The following JMJD1C variants were observed in gnomAD, a reference collection of about 807,000 sequenced individuals.
JMJD1C encodes jumonji domain-containing protein 1C.
A neutral mutation model predicts 245.3 loss-of-function variants in JMJD1C; 31 were observed. The observed-to-expected ratio is 0.13, with a 90% confidence interval of 0.09 to 0.17. JMJD1C has a LOEUF of 0.17. Ranked by LOEUF, JMJD1C falls within the 10% of genes least tolerant of loss-of-function variation. The pLI is 1.00. For synonymous variants in JMJD1C, 1,057 were observed against 1,017.4 expected, an observed-to-expected ratio of 1.04 and a Z score of -0.74; for missense variants, 2,691 against 3,000.2, an observed-to-expected ratio of 0.90 and a Z score of 2.41.
At chr10:63,503,779 GT>G (rs1406719572) in intron 1 of JMJD1C, among the ~76,000 whole-genome samples, 1 of 152,180 alleles carries the variant, frequency 6.6e-6, no homozygotes, top group African/African-American at 2.4e-5. Flanking sequence ...CTGGATACTT[GT>G]TGATTAATTT....
intron 1 of JMJD1C, among the ~76,000 whole-genome samples, chr10:63,517,330 A>G (rs1030852667): frequency 1.3e-5 from 2 of 152,216 alleles, no homozygotes; most frequent in African/African-American, 4.8e-5. Context: ...AGGAAAACTA[A>G]TATTTAAAAG....
intron 2 of JMJD1C, among the ~76,000 whole-genome samples, chr10:63,267,807 A>G (rs1375714411): frequency 6.6e-6 from 1 of 152,188 alleles, no homozygotes; most frequent in East Asian, 1.9e-4. Context: ...TACGGCCAAA[A>G]TAAATATAGT....
chr10:63,363,424 A>G (rs1022369525), intron 2 of JMJD1C, among the ~76,000 whole-genome samples: 1 of 151,564 alleles, frequency 6.6e-6, no homozygotes, highest in Non-Finnish European at 1.5e-5. Context: ...ATGCCTGGCT[A>G]ATTTTTTGTT....
intron 1 of JMJD1C, among the ~76,000 whole-genome samples, chr10:63,414,215 T>G (rs995700223): frequency 6.6e-6 from 1 of 152,084 alleles, no homozygotes; most frequent in Non-Finnish European, 1.5e-5. Context: ...CTCGATCTCC[T>G]GACCTCGTGA....
chr10:63,196,862 T>C (rs535279283), intron 13 of JMJD1C, among the ~76,000 whole-genome samples: 1 of 152,250 alleles, frequency 6.6e-6, no homozygotes, highest in South Asian at 2.1e-4. Context: ...AATGGGGCAA[T>C]CACAGTTCAC....
intron 2 of JMJD1C, among the ~76,000 whole-genome samples, chr10:63,265,968 G>C (rs1365572465): frequency 6.6e-6 from 1 of 152,020 alleles, no homozygotes; most frequent in Admixed American, 6.6e-5. Context: ...GTTTGGTTTG[G>C]AGTGGCTTTT....
At chr10:63,504,841 C>A (rs1324375433) in intron 1 of JMJD1C, among the ~76,000 whole-genome samples, 1 of 152,120 alleles carries the variant, frequency 6.6e-6, no homozygotes, top group Non-Finnish European at 1.5e-5. Flanking sequence ...CAAAACAAGA[C>A]CCTGTCTCTA....
intron 2 of JMJD1C, among the ~76,000 whole-genome samples, chr10:63,379,465 A>G (rs938286365): frequency 1.3e-5 from 2 of 152,186 alleles, no homozygotes; most frequent in African/African-American, 4.8e-5. Flanking sequence ...AACTCTTCAA[A>G]GTACCAGAGA....
intron 3 of JMJD1C, among the ~76,000 whole-genome samples, chr10:63,249,775 G>A (rs956658720): frequency 3.3e-5 from 5 of 151,736 alleles, no homozygotes; most frequent in East Asian, 1.9e-4. Context: ...CAGGAGAATC[G>A]CTTTAATCCG....
chr10:63,208,469 T>A lies in JMJD1C; in HGVS notation c.3200A>T (p.Asp1067Val), dbSNP rs749556972. 1 of 1,614,036 alleles carries A rather than the reference T, an allele frequency of 6.2e-7. No individual in the cohort carries two copies. Among genetic ancestry groups the A allele is most frequent in the Non-Finnish European group, 8.5e-7 (1 of 1,179,952 alleles). Residue 1067 changes from aspartate to valine, a missense_variant, in exon 10 of 26, where the codon GAT (aspartate) becomes GTT (valine). Coordinates refer to ENST00000399262, the MANE Select transcript of JMJD1C (RefSeq NM_032776.3). ...SSPKSHIIKQ[D>V]MDVERSVSDL... The stretch of plus-strand genomic sequence containing the variant: ...TGATACTGAGCGTTCTACATCCATA[T>A]CTTGTTTGATGATATGGCTTTTAGG...
chr10:63,499,856 T>C (rs1178117662), intron 1 of JMJD1C, among the ~76,000 whole-genome samples: 7 of 152,248 alleles, frequency 4.6e-5, no homozygotes, highest in African/African-American at 1.2e-4. Flanking sequence ...AAAATCATTA[T>C]TGAATAAATC....
intron 3 of JMJD1C, among the ~76,000 whole-genome samples, chr10:63,245,945 A>G (rs1852152131): frequency 6.6e-6 from 1 of 152,210 alleles, no homozygotes; most frequent in South Asian, 2.1e-4. Context: ...GGACACATGC[A>G]AACATATCAG....
chr10:63,511,527 T>C (rs1362269886), intron 1 of JMJD1C, among the ~76,000 whole-genome samples: 1 of 152,128 alleles, frequency 6.6e-6, no homozygotes, highest in East Asian at 1.9e-4. Flanking sequence ...CAGGCCAACA[T>C]GCTGAAATCC....
chr10:63,427,653 C>CTA (rs1950519656), intron 1 of JMJD1C: 2 of 1,321,620 alleles, frequency 1.5e-6, no homozygotes, highest in Non-Finnish European at 2.2e-6. Context: ...TGAACTCTAA[C>CTA]AACAGTGGCT....
chr10:63,375,255 T>C (rs933076842), intron 2 of JMJD1C, among the ~76,000 whole-genome samples: 8 of 138,770 alleles, frequency 5.8e-5, no homozygotes, highest in African/African-American at 1.6e-4. Flanking sequence ...GGTGCAATCA[T>C]AGCTCACTGC....
chr10:63,331,621 A>C (rs1203915261), intron 2 of JMJD1C, among the ~76,000 whole-genome samples: 1 of 152,144 alleles, frequency 6.6e-6, no homozygotes, highest in Non-Finnish European at 1.5e-5. Flanking sequence ...TCAATAAATA[A>C]ACATATATAT....
intron 24 of JMJD1C, among the ~76,000 whole-genome samples, chr10:63,173,552 T>A (rs759348320): frequency 2.0e-5 from 3 of 151,862 alleles, no homozygotes; most frequent in Non-Finnish European, 4.4e-5. Context: ...CAAGACCCCA[T>A]CTCCACAAAA....
chr10:63,449,947 C>CA lies in JMJD1C; in HGVS notation c.168+15547dup, dbSNP rs1036059547. On this transcript the variant is annotated intron_variant, in intron 1 of 25. Coordinates refer to ENST00000399262, the MANE Select transcript of JMJD1C (RefSeq NM_032776.3). ...GGGCAACAAAGGGACACTCCATCTT[C>CA]AAAAAAAATTTAAAAATTAGGCAGG... Among the ~76,000 whole-genome samples, 10 of 151,650 alleles carry CA rather than the reference C, an allele frequency of 6.6e-5. No individual in the cohort carries two copies. In the East Asian group the frequency reaches 9.7e-4, roughly 15 times the overall value.
chr10:63,252,755 A>AT (rs1564686864), intron 3 of JMJD1C, among the ~76,000 whole-genome samples: 1 of 152,186 alleles, frequency 6.6e-6, no homozygotes, highest in Non-Finnish European at 1.5e-5. Context: ...ACCATAAGAT[A>AT]TTCCCCCATC....
Sources: allele counts gnomAD v4.1 joint callset (sites outside exome capture counted in the v4.1 genomes callset), GRCh38; gene constraint gnomAD v4.1.1; transcripts MANE v1.5; gene names NCBI Gene and HGNC (gene_info 2026-07-23, HGNC 2026-07-21).